PTK2: variants seen among roughly 807,000 people sequenced by gnomAD.
The protein encoded by PTK2 is focal adhesion kinase 1.
A neutral mutation model predicts 150.1 loss-of-function variants in PTK2; 45 were observed. The observed-to-expected ratio is 0.30, with a 90% confidence interval of 0.24 to 0.38. The LOEUF is 0.38. PTK2 is among the 10% of genes least tolerant of loss of function. The pLI is 1.00. For missense variants in PTK2, 919 were observed against 1,307.3 expected (o/e 0.70, Z 4.58); for synonymous variants, 432 against 449.2 (o/e 0.96, Z 0.48).
chr8:140,970,222 C>T (rs1419374261), intron 1 of PTK2, among the ~76,000 whole-genome samples: 1 of 152,216 alleles, frequency 6.6e-6, no homozygotes, highest in Non-Finnish European at 1.5e-5. Context: ...CCAACCCTTC[C>T]AACAGTAGTG....
intron 2 of PTK2, among the ~76,000 whole-genome samples, chr8:140,910,928 A>G (rs143030603): frequency 2.1e-3 from 319 of 152,260 alleles, no homozygotes; most frequent in African/African-American, 7.4e-3. Flanking sequence ...CCCAGGCTGG[A>G]GTGCAGTGGG....
exon 9 of PTK2, chr8:140,818,901 T>C: frequency 6.2e-7 from 1 of 1,613,598 alleles, no homozygotes; most frequent in Non-Finnish European, 8.5e-7. Context: ...ACTTGAAGCA[T>C]TCCTTATCAA....
intron 15 of PTK2, among the ~76,000 whole-genome samples, chr8:140,763,391 G>A (rs975822457): frequency 6.6e-6 from 1 of 151,656 alleles, no homozygotes; most frequent in Admixed American, 6.6e-5. Flanking sequence ...AGGACATTCA[G>A]ATTTTGAGTT....
chr8:140,807,264 T>TAG (rs2154600816), intron 10 of PTK2, among the ~76,000 whole-genome samples: 1 of 152,304 alleles, frequency 6.6e-6, no homozygotes, highest in Admixed American at 6.5e-5. Context: ...TGTATAAAAA[T>TAG]ATCTAATTTA....
At chr8:140,675,596 G>C in intron 27 of PTK2, 97 bp from the exon 31 acceptor site, 2 of 905,252 alleles carry the variant, frequency 2.2e-6, no homozygotes, top group Middle Eastern at 2.2e-4. Context: ...TGAACTTCTA[G>C]GCTAGATTCT....
intron 14 of PTK2, among the ~76,000 whole-genome samples, chr8:140,768,243 A>G (rs1277717861): frequency 6.6e-6 from 1 of 152,200 alleles, no homozygotes; most frequent in African/African-American, 2.4e-5. Flanking sequence ...CAGGTGGGCC[A>G]TATTTGGTCC....
chr8:140,862,171 T>G (rs992623808), intron 5 of PTK2, among the ~76,000 whole-genome samples: 5 of 152,146 alleles, frequency 3.3e-5, no homozygotes, highest in Non-Finnish European at 7.4e-5. Flanking sequence ...AGGAGTCACT[T>G]AAGCCTGTAT....
chr8:140,854,007 A>C (rs1446371306), intron 5 of PTK2, among the ~76,000 whole-genome samples: 3 of 152,240 alleles, frequency 2.0e-5, no homozygotes, highest in Non-Finnish European at 4.4e-5. Context: ...AGAAAACTGG[A>C]ATAAAAATAA....
At chr8:140,675,308 T>G in intron 28 of PTK2, 152 bp downstream of exon 31, 47 of 779,442 alleles carry the variant, frequency 6.0e-5, no homozygotes, top group East Asian at 1.4e-4. Context: ...ACTCTAGTAA[T>G]GAGCTGAATG....
intron 17 of PTK2, among the ~76,000 whole-genome samples, chr8:140,750,660 T>C (rs1593723559): frequency 6.6e-6 from 1 of 152,230 alleles, no homozygotes; most frequent in South Asian, 2.1e-4. Context: ...AAGGAAGAGC[T>C]TGATGTGGAC....
At chr8:140,708,969 A>G (rs1223603825) in intron 23 of PTK2, among the ~76,000 whole-genome samples, 1 of 39,222 alleles carries the variant, frequency 2.5e-5, no homozygotes, top group Non-Finnish European at 6.7e-5. Context: ...AAATTCAGGC[A>G]AAAAAAAAAA....
intron 1 of PTK2, chr8:140,927,312 A>G (rs562320675): frequency 6.6e-6 from 1 of 152,318 alleles, no homozygotes; most frequent in Admixed American, 6.5e-5. Context: ...TTTTTACCCT[A>G]TAAATGCAAT....
chr8:140,887,439 T>C (rs1207005683), intron 3 of PTK2, among the ~76,000 whole-genome samples: 2 of 152,196 alleles, frequency 1.3e-5, no homozygotes, highest in Non-Finnish European at 2.9e-5. Flanking sequence ...CAATCAAACA[T>C]TAATTAACAT....
intron 2 of PTK2, chr8:140,909,439 A>G (rs1378579441): frequency 6.6e-6 from 1 of 152,214 alleles, no homozygotes. Context: ...GCCCAATCTA[A>G]TATTTGAGCC....
intron 2 of PTK2, among the ~76,000 whole-genome samples, chr8:140,902,721 C>T (rs1039601474): frequency 6.6e-5 from 10 of 152,086 alleles, no homozygotes; most frequent in South Asian, 2.1e-4. Context: ...TGATGATGAG[C>T]TTTTTTTCAT....
At position 140,958,009 on chromosome 8, in the gene PTK2, A is replaced by C. The variant is rs114443423; in HGVS notation, c.-121-32260T>G. On this transcript the variant is annotated intron_variant, in intron 1 of 31. Transcript: ENST00000522684. Reference sequence around the variant, plus strand: ...TCATTTATCTCTCATGAAATAGCAAAGTCTCTTGTCCATCCTGCTAATGAG... The same window carrying C: ...TCATTTATCTCTCATGAAATAGCAACGTCTCTTGTCCATCCTGCTAATGAG... Among the ~76,000 whole-genome samples the C allele has an allele frequency of 5.9e-3, 896 of 152,324 alleles. 14 individuals are homozygous for C. The highest frequency in any genetic ancestry group is 0.02 in the African/African-American group (820 of 41,578).
At chr8:140,847,071 C>A (rs1406632573) in intron 5 of PTK2, among the ~76,000 whole-genome samples, 1 of 152,122 alleles carries the variant, frequency 6.6e-6, no homozygotes, top group Non-Finnish European at 1.5e-5. Context: ...GGGTCTGAAT[C>A]ATAATAACCT....
chr8:140,973,504 A>C (rs2100188155), intron 1 of PTK2, among the ~76,000 whole-genome samples: 1 of 152,000 alleles, frequency 6.6e-6, no homozygotes, highest in Admixed American at 6.6e-5. Context: ...ACACACGTAA[A>C]AAAAAAAAGC....
intron 19 of PTK2, among the ~76,000 whole-genome samples, chr8:140,744,360 G>A (rs1366130451): frequency 6.6e-6 from 1 of 152,132 alleles, no homozygotes. Context: ...TAGGGAATAA[G>A]TGACCTGAAA....
Sources: allele counts gnomAD v4.1 joint callset (sites outside exome capture counted in the v4.1 genomes callset), GRCh38; gene constraint gnomAD v4.1.1; transcripts MANE v1.5; gene names NCBI Gene and HGNC (gene_info 2026-07-23, HGNC 2026-07-21).